The following CCDC102B variants were observed in gnomAD, a reference collection of about 807,000 sequenced individuals.
CCDC102B encodes the protein coiled-coil domain-containing protein 102B.
A neutral mutation model predicts 57.4 loss-of-function variants in CCDC102B; 75 were observed. The ratio of observed to expected loss-of-function variants is 1.31; its 90% CI spans 1.08 to 1.58. The LOEUF is 1.58. Ranked by LOEUF, CCDC102B falls within the 40% of genes most tolerant of loss-of-function variation. The probability of loss-of-function intolerance (pLI) is 0.00; values close to 1 mark genes in which losing one functional copy is unlikely to be tolerated. For missense variants in CCDC102B, 636 were observed against 582.6 expected (o/e 1.09, Z -0.94); for synonymous variants, 206 against 201.9 (o/e 1.02, Z -0.17).
intron 2 of CCDC102B, among the ~76,000 whole-genome samples, chr18:68,728,132 A>G (rs535793947): frequency 6.6e-6 from 1 of 152,294 alleles, no homozygotes; most frequent in East Asian, 1.9e-4. Context: ...AGGTCAAGCC[A>G]TGCAATGATG....
Position 68,823,954 on chromosome 18 carries a change from C to T in CCDC102B, c.-15-12795C>T, listed in dbSNP as rs1321965098. ...TTCCTTAAGCATTCTAGATATCAGA[C>T]CTTTGCTGGATGCGTAGTTTGTGAA... On this transcript the variant is annotated intron_variant, in intron 1 of 7. Transcript: ENST00000360242. Among the ~76,000 whole-genome samples, 4 of 151,384 alleles carry T rather than the reference C, an allele frequency of 2.6e-5. No individual in the cohort carries two copies. In the East Asian group the frequency reaches 5.9e-4, roughly 22 times the overall value.
chr18:69,003,653 G>A (rs1029969064), intron 6 of CCDC102B, among the ~76,000 whole-genome samples: 2 of 152,150 alleles, frequency 1.3e-5, no homozygotes, highest in Non-Finnish European at 2.9e-5. Flanking sequence ...GTCTCTTCTA[G>A]CCAGTCAATC....
chr18:68,900,505 G>A (rs191878078), intron 6 of CCDC102B, among the ~76,000 whole-genome samples: 14 of 152,086 alleles, frequency 9.2e-5, no homozygotes, highest in South Asian at 2.1e-4. Context: ...ATGTGAATTC[G>A]ATAATTTGAG....
At chr18:68,732,535 C>T (rs746389857) in intron 2 of CCDC102B, among the ~76,000 whole-genome samples, 27 of 151,796 alleles carry the variant, frequency 1.8e-4, no homozygotes, top group African/African-American at 5.6e-4. Context: ...TTAGTAGAGA[C>T]GGGGTTTCAC....
intron 6 of CCDC102B, among the ~76,000 whole-genome samples, chr18:68,903,546 A>G (rs1211334913): frequency 6.6e-6 from 1 of 152,224 alleles, no homozygotes; most frequent in African/African-American, 2.4e-5. Context: ...TATAGTATCT[A>G]TAGTGTAAAT....
intron 2 of CCDC102B, among the ~76,000 whole-genome samples, chr18:68,740,413 T>G (rs2033330300): frequency 6.6e-6 from 1 of 152,352 alleles, no homozygotes; most frequent in South Asian, 2.1e-4. Flanking sequence ...ATTATAAAAC[T>G]TAAAATCCCC....
chr18:68,869,459 G>A (rs2039144027), intron 4 of CCDC102B, among the ~76,000 whole-genome samples: 1 of 152,250 alleles, frequency 6.6e-6, no homozygotes, highest in African/African-American at 2.4e-5. Context: ...AAAGTCTGAG[G>A]AATGCTGGTA....
intron 2 of CCDC102B, among the ~76,000 whole-genome samples, chr18:68,789,498 G>T (rs2035346172): frequency 6.6e-6 from 1 of 151,622 alleles, no homozygotes; most frequent in South Asian, 2.1e-4. Context: ...TTTTCACATA[G>T]TCCCATATTT....
At chr18:68,797,081 C>T (rs996480324), upstream of CCDC102B, among the ~76,000 whole-genome samples, 15 of 151,762 alleles carry the variant, frequency 9.9e-5, no homozygotes, top group Non-Finnish European at 8.8e-5. Flanking sequence ...CAGGAGGGAA[C>T]GTTCAAAGAT....
chr18:68,915,474 A>G (rs1174031979), intron 6 of CCDC102B, among the ~76,000 whole-genome samples: 2 of 152,366 alleles, frequency 1.3e-5, no homozygotes, highest in East Asian at 3.9e-4. Context: ...TTTTACCCAT[A>G]TTAATGAGCA....
At chr18:69,034,034 A>G (rs985215274) in intron 7 of CCDC102B, among the ~76,000 whole-genome samples, 6 of 151,802 alleles carry the variant, frequency 4.0e-5, no homozygotes, top group Admixed American at 3.9e-4. Flanking sequence ...GCTCATTTCT[A>G]AATTGGTTTG....
intron 1 of CCDC102B, among the ~76,000 whole-genome samples, chr18:68,835,389 TAATA>T (rs35777393): frequency 0.93 from 140,872 of 151,984 alleles, 66,248 homozygotes; most frequent in East Asian, 1. Flanking sequence ...ACATATTACA[TAATA>T]AATAAAGTTA....
chr18:68,833,512 T>C (rs759979305), intron 1 of CCDC102B, among the ~76,000 whole-genome samples: 29 of 151,984 alleles, frequency 1.9e-4, no homozygotes, highest in Non-Finnish European at 2.6e-4. Flanking sequence ...GAGAAAAATG[T>C]ATGCTTTGCC....
At chr18:68,720,342 T>C (rs1357706675) in intron 2 of CCDC102B, among the ~76,000 whole-genome samples, 1 of 152,212 alleles carries the variant, frequency 6.6e-6, no homozygotes, top group Non-Finnish European at 1.5e-5. Context: ...TTTGCTACAT[T>C]GTTTATTTAT....
intron 6 of CCDC102B, among the ~76,000 whole-genome samples, chr18:68,946,755 T>G (rs554318699): frequency 6.6e-6 from 1 of 152,160 alleles, no homozygotes; most frequent in African/African-American, 2.4e-5. Flanking sequence ...ATTTGTTAAA[T>G]TTTGTTTCAA....
chr18:68,727,304 A>G (rs1477758252), intron 2 of CCDC102B, among the ~76,000 whole-genome samples: 1 of 152,168 alleles, frequency 6.6e-6, no homozygotes, highest in East Asian at 1.9e-4. Context: ...TTGGAATAGA[A>G]AATTACCTAG....
At chr18:68,957,148 C>A (rs1162521482) in intron 6 of CCDC102B, among the ~76,000 whole-genome samples, 2 of 151,874 alleles carry the variant, frequency 1.3e-5, no homozygotes, top group East Asian at 3.9e-4. Flanking sequence ...GATCTCATTT[C>A]TTTATGTTGG....
At chr18:68,797,133 A>G (rs2035658468), upstream of CCDC102B, among the ~76,000 whole-genome samples, 1 of 152,126 alleles carries the variant, frequency 6.6e-6, no homozygotes, top group South Asian at 2.1e-4. Context: ...CGATGGGTCA[A>G]TTGGCTTTAT....
intron 4 of CCDC102B, among the ~76,000 whole-genome samples, chr18:68,861,757 G>C (rs1245589983): frequency 6.6e-6 from 1 of 152,052 alleles, no homozygotes; most frequent in African/African-American, 2.4e-5. Flanking sequence ...GGGCCCCCAG[G>C]GTTCTCTCTC....
Sources: allele counts gnomAD v4.1 joint callset (sites outside exome capture counted in the v4.1 genomes callset), GRCh38; gene constraint gnomAD v4.1.1; transcripts MANE v1.5; gene names NCBI Gene and HGNC (gene_info 2026-07-23, HGNC 2026-07-21).